Variants in SMYD3 observed in about 807,000 individuals in gnomAD.
SMYD3 encodes SET and MYND domain containing 3.
In SMYD3, 36 loss-of-function variants were observed where a neutral mutation model predicts 57.7. The observed-to-expected ratio is 0.62, with a 90% confidence interval of 0.48 to 0.82. The LOEUF (loss-of-function observed/expected upper bound fraction) is 0.82. Among genes scored for constraint, SMYD3 ranks in the 40% least tolerant of loss-of-function variants. The pLI is 0.00. For synonymous variants in SMYD3, 211 were observed against 195.0 expected, an observed-to-expected ratio of 1.08 and a Z score of -0.68; for missense variants, 515 against 538.8, an observed-to-expected ratio of 0.96 and a Z score of 0.44.
At chr1:246,076,316 A>G (rs939997031) in intron 5 of SMYD3, among the ~76,000 whole-genome samples, 9 of 152,212 alleles carry the variant, frequency 5.9e-5, no homozygotes, top group African/African-American at 2.2e-4. Flanking sequence ...CTGGAACTTC[A>G]TTTCCTATAT....
intron 5 of SMYD3, among the ~76,000 whole-genome samples, chr1:246,142,955 C>G (rs1010324895): frequency 6.6e-6 from 1 of 152,156 alleles, no homozygotes; most frequent in South Asian, 2.1e-4. Context: ...AAGTTCTGTG[C>G]AAGTCTGGCT....
intron 5 of SMYD3, among the ~76,000 whole-genome samples, chr1:246,199,132 C>T (rs1045778791): frequency 6.6e-6 from 1 of 152,032 alleles, no homozygotes; most frequent in Non-Finnish European, 1.5e-5. Context: ...CCCTCTTCCC[C>T]CTCTAGTAGT....
At chr1:246,081,172 G>A (rs1035471735) in intron 5 of SMYD3, among the ~76,000 whole-genome samples, 2 of 152,184 alleles carry the variant, frequency 1.3e-5, no homozygotes, top group Non-Finnish European at 2.9e-5. Context: ...TGGGAAGAGT[G>A]TGGTTACCTT....
At chr1:245,800,508 T>A (rs547922600) in intron 10 of SMYD3, among the ~76,000 whole-genome samples, 2 of 152,126 alleles carry the variant, frequency 1.3e-5, no homozygotes, top group African/African-American at 4.8e-5. Flanking sequence ...TTTGTGACAT[T>A]AATGAACAAA....
chr1:246,248,451 C>G (rs1361388402), intron 5 of SMYD3, among the ~76,000 whole-genome samples: 1 of 151,950 alleles, frequency 6.6e-6, no homozygotes, highest in Non-Finnish European at 1.5e-5. Flanking sequence ...GTAATTTGGG[C>G]AGGTCGTTTG....
At chr1:246,082,654 G>A (rs1217051191) in intron 5 of SMYD3, among the ~76,000 whole-genome samples, 2 of 152,116 alleles carry the variant, frequency 1.3e-5, no homozygotes, top group African/African-American at 2.4e-5. Context: ...TTTCTTTACT[G>A]CAATATCGTG....
chr1:246,335,451 C>T lies in SMYD3; in HGVS notation c.252G>A (p.Lys84=). The T allele has an allele frequency of 6.2e-7, 1 of 1,614,116 alleles. No homozygotes were observed. The highest frequency in any genetic ancestry group is 8.5e-7 in the Non-Finnish European group (1 of 1,180,004). The part of the protein sequence containing the change: ...KCQKKAWPDH[K]RECKCLKSCK... ...AGCTTTTAAGGCATTTGCATTCCCG[C>T]TTGTGGTCTGGCCAAGCTTTTTTCT... Residue 84 remains lysine (K), a synonymous_variant, in exon 3 of 12, where the codon AAG becomes AAA. Transcript: ENST00000490107.
chr1:245,963,636 A>G (rs2058066530), intron 5 of SMYD3, among the ~76,000 whole-genome samples: 1 of 152,150 alleles, frequency 6.6e-6, no homozygotes, highest in Admixed American at 6.5e-5. Flanking sequence ...CATTTTGAAA[A>G]AACACCAGAG....
chr1:245,803,187 T>A (rs2047956924), intron 10 of SMYD3, among the ~76,000 whole-genome samples: 1 of 152,220 alleles, frequency 6.6e-6, no homozygotes, highest in Non-Finnish European at 1.5e-5. Flanking sequence ...AAGATGGTCA[T>A]CTTGCACCTG....
chr1:246,010,996 G>C (rs1313657903), intron 5 of SMYD3, among the ~76,000 whole-genome samples: 2 of 152,210 alleles, frequency 1.3e-5, no homozygotes, highest in African/African-American at 4.8e-5. Flanking sequence ...GGCTGAAGAC[G>C]TCATCTTGTC....
chr1:245,933,595 T>C (rs1342406133), intron 5 of SMYD3, among the ~76,000 whole-genome samples: 2 of 152,356 alleles, frequency 1.3e-5, no homozygotes, highest in East Asian at 1.9e-4. Flanking sequence ...CAAATTCTTA[T>C]GTCATTTGGT....
chr1:246,025,298 G>A (rs1320170020), intron 5 of SMYD3, among the ~76,000 whole-genome samples: 1 of 147,848 alleles, frequency 6.8e-6, no homozygotes, highest in Non-Finnish European at 1.5e-5. Context: ...ATCTAGGAAG[G>A]GAGATACAGC....
At chr1:246,129,298 C>A (rs1177102811) in intron 5 of SMYD3, among the ~76,000 whole-genome samples, 1 of 151,612 alleles carries the variant, frequency 6.6e-6, no homozygotes, top group African/African-American at 2.4e-5. Flanking sequence ...ATTTTGGGGT[C>A]ATGAAAGCTT....
chr1:245,835,615 C>T (rs547805406), intron 10 of SMYD3, among the ~76,000 whole-genome samples: 2 of 152,286 alleles, frequency 1.3e-5, no homozygotes, highest in Non-Finnish European at 2.9e-5. Context: ...TAGGGACTGT[C>T]TCATGGTTGA....
Position 245,963,508 on chromosome 1 carries a change from A to G in SMYD3, c.532-33571T>C, listed in dbSNP as rs182044762. 1.1e-3 allele frequency among the ~76,000 whole-genome samples: 163 copies of G among 151,972 alleles called. 1 individual carries two copies. The highest frequency in any genetic ancestry group is 3.6e-3 in the African/African-American group (148 of 41,488). On this transcript the variant is annotated intron_variant, in intron 5 of 11. Coordinates refer to ENST00000490107, the MANE Select transcript of SMYD3 (RefSeq NM_001167740.2). ...AACTCCAGAGGTGCCCATCATGGGG[A>G]GTAGGGAGGGATAAGCTTTTGTGAG...
chr1:246,184,006 C>T (rs545733646), intron 5 of SMYD3, among the ~76,000 whole-genome samples: 63 of 152,204 alleles, frequency 4.1e-4, no homozygotes, highest in African/African-American at 1.1e-3. Context: ...GAAGTAAAGC[C>T]GAAGGGCTTG....
chr1:246,282,250 T>C (rs1032479584), intron 5 of SMYD3, among the ~76,000 whole-genome samples: 1 of 135,958 alleles, frequency 7.4e-6, no homozygotes, highest in Admixed American at 8.9e-5. Context: ...GGAGGACTGC[T>C]TGAGCCCAGG....
intron 10 of SMYD3, among the ~76,000 whole-genome samples, chr1:245,838,108 G>A (rs981076842): frequency 6.6e-6 from 1 of 152,208 alleles, no homozygotes; most frequent in Non-Finnish European, 1.5e-5. Flanking sequence ...GTGTCATCCA[G>A]AAACAGAAGT....
chr1:245,764,140 G>GA lies in SMYD3; in HGVS notation c.1085dup (p.Gly364ArgfsTer35), dbSNP rs1194948457. On this transcript the variant is annotated frameshift_variant, in exon 11 of 12. Coordinates refer to ENST00000490107, the MANE Select transcript of SMYD3 (RefSeq NM_001167740.2). LOFTEE classifies it high-confidence loss of function. ...CCCCTCTGACGGGATGGCTTCCTGGGAAAAAAATCCTGGAAGAAACCAAAC... is the reference window on the plus strand; with the variant it reads ...CCCCTCTGACGGGATGGCTTCCTGGGAAAAAAAATCCTGGAAGAAACCAAAC... The GA allele has an allele frequency of 1.2e-6, 2 of 1,613,294 alleles. No individual in the cohort carries two copies. Among genetic ancestry groups the GA allele is most frequent in the South Asian group, 1.1e-5 (1 of 91,004 alleles).
Sources: allele counts gnomAD v4.1 joint callset (sites outside exome capture counted in the v4.1 genomes callset), GRCh38; gene constraint gnomAD v4.1.1; transcripts MANE v1.5; gene names NCBI Gene and HGNC (gene_info 2026-07-23, HGNC 2026-07-21).